The following MBNL1 variants were observed in gnomAD, a reference collection of about 807,000 sequenced individuals.
MBNL1 encodes the protein muscleblind like splicing regulator 1.
A neutral mutation model predicts 42.2 loss-of-function variants in MBNL1; 8 were observed. The ratio of observed to expected loss-of-function variants is 0.19; its 90% CI spans 0.11 to 0.34. MBNL1 has a LOEUF of 0.34. Among genes scored for constraint, MBNL1 ranks in the 10% least tolerant of loss-of-function variants. The pLI is 1.00. For synonymous variants in MBNL1, 169 were observed against 173.9 expected, an observed-to-expected ratio of 0.97 and a Z score of 0.22; for missense variants, 309 against 495.3, an observed-to-expected ratio of 0.62 and a Z score of 3.57.
At chr3:152,296,432 CT>C (rs2058561789) in intron 1 of MBNL1, among the ~76,000 whole-genome samples, 2 of 152,072 alleles carry the variant, frequency 1.3e-5, no homozygotes, top group Non-Finnish European at 2.9e-5. Flanking sequence ...AGGTTAAAGA[CT>C]TGTGAGTAGG....
chr3:152,277,359 C>T (rs987730382), intron 1 of MBNL1, among the ~76,000 whole-genome samples: 2 of 152,160 alleles, frequency 1.3e-5, no homozygotes, highest in Non-Finnish European at 2.9e-5. Flanking sequence ...AGTCCATGCT[C>T]AGAATGCCTG....
intron 2 of MBNL1, among the ~76,000 whole-genome samples, chr3:152,386,382 C>A (rs2097424803): frequency 6.6e-6 from 1 of 151,768 alleles, no homozygotes; most frequent in Non-Finnish European, 1.5e-5. Context: ...ATAACATAAC[C>A]TGTTCATATT....
chr3:152,440,047 T>A (rs770760769), intron 4 of MBNL1, among the ~76,000 whole-genome samples: 2 of 152,184 alleles, frequency 1.3e-5, no homozygotes, highest in Non-Finnish European at 2.9e-5. Flanking sequence ...AGATTTTATT[T>A]TATGTTTTTA....
chr3:152,329,840 G>A (rs1185472240), intron 2 of MBNL1, among the ~76,000 whole-genome samples: 1 of 150,734 alleles, frequency 6.6e-6, no homozygotes, highest in Non-Finnish European at 1.5e-5. Flanking sequence ...TGGGATATAT[G>A]TGCTATTGGT....
intron 2 of MBNL1, 115 bp from the exon 3 acceptor site, chr3:152,414,826 G>A: frequency 1.1e-6 from 1 of 915,090 alleles, no homozygotes; most frequent in Non-Finnish European, 1.7e-6. Flanking sequence ...TATGGACAAT[G>A]CATTGTGTGA....
chr3:152,454,777 T>C (rs763490026), intron 6 of MBNL1, among the ~76,000 whole-genome samples: 2 of 152,174 alleles, frequency 1.3e-5, no homozygotes, highest in African/African-American at 4.8e-5. Context: ...CTTGAAGGTC[T>C]AAACCAGCAA....
At chr3:152,287,600 A>G (rs1002059057) in intron 1 of MBNL1, among the ~76,000 whole-genome samples, 2 of 152,222 alleles carry the variant, frequency 1.3e-5, no homozygotes, top group African/African-American at 2.4e-5. Context: ...GGAACGGTAT[A>G]TATTTTTAAT....
At chr3:152,351,100 G>T (rs751339562) in intron 2 of MBNL1, among the ~76,000 whole-genome samples, 8 of 151,746 alleles carry the variant, frequency 5.3e-5, no homozygotes, top group Non-Finnish European at 8.8e-5. Flanking sequence ...CCTGTTTTTG[G>T]TTAATAAAGT....
At chr3:152,444,414 A>G (rs754300655) in intron 4 of MBNL1, among the ~76,000 whole-genome samples, 2 of 152,198 alleles carry the variant, frequency 1.3e-5, no homozygotes, top group East Asian at 1.9e-4. Flanking sequence ...ACTGCTTTAT[A>G]TAGCTACCAA....
intron 1 of MBNL1, among the ~76,000 whole-genome samples, chr3:152,280,727 A>G (rs764166012): frequency 2.6e-5 from 4 of 152,170 alleles, no homozygotes; most frequent in Non-Finnish European, 5.9e-5. Context: ...ATAAAGCTGT[A>G]TTTTGTAGGC....
At chr3:152,335,080 C>T (rs931539293) in intron 2 of MBNL1, 2 of 1,260,866 alleles carry the variant, frequency 1.6e-6, no homozygotes, top group Admixed American at 2.4e-5. Context: ...AAGTGGCTGA[C>T]CTGGCATATC....
At chr3:152,341,219 G>A (rs955908583) in intron 2 of MBNL1, among the ~76,000 whole-genome samples, 1 of 152,158 alleles carries the variant, frequency 6.6e-6, no homozygotes, top group East Asian at 1.9e-4. Context: ...TTTTTAAAAT[G>A]TGTGGCACAG....
intron 2 of MBNL1, among the ~76,000 whole-genome samples, chr3:152,368,425 A>G (rs2096523270): frequency 6.6e-6 from 1 of 152,156 alleles, no homozygotes; most frequent in Non-Finnish European, 1.5e-5. Context: ...CTTGTAGTAC[A>G]GTTTGAAGTC....
Position 152,377,255 on chromosome 3 carries a change from T to C in MBNL1, c.175-37686T>C, listed in dbSNP as rs79905877. Among the ~76,000 whole-genome samples the C allele has an allele frequency of 5.4e-4, 82 of 152,338 alleles. No individual in the cohort carries two copies. In the East Asian group the frequency reaches 0.015, roughly 28 times the overall value. The stretch of plus-strand genomic sequence containing the variant: ...TTTTTTCATTGAATTGGCCTGGTCC[T>C]TGTTTTTATGTGGGCCTTTGAATCT... On this transcript the variant is annotated intron_variant, in intron 2 of 9. Coordinates refer to ENST00000324210, the MANE Select transcript of MBNL1 (RefSeq NM_021038.5).
At chr3:152,414,218 C>T (rs2098655388) in intron 2 of MBNL1, among the ~76,000 whole-genome samples, 1 of 152,182 alleles carries the variant, frequency 6.6e-6, no homozygotes, top group Admixed American at 6.5e-5. Context: ...TTAGTTTCTC[C>T]ATTTTTTAAA....
chr3:152,288,140 T>G (rs2053660132), intron 1 of MBNL1, among the ~76,000 whole-genome samples: 1 of 152,228 alleles, frequency 6.6e-6, no homozygotes, highest in Non-Finnish European at 1.5e-5. Context: ...CAACCATATT[T>G]GAAGTCTTTT....
rs2038251542 is a variant in MBNL1, at chr3:152,269,016, T to G, written c.-866T>G. On this transcript the variant is annotated 5_prime_UTR_variant, in exon 1 of 10. Coordinates refer to ENST00000324210, the MANE Select transcript of MBNL1 (RefSeq NM_021038.5). The stretch of plus-strand genomic sequence containing the variant: ...CAAGTTCCATTTTCCGTCGCGGGCA[T>G]CTTGGAATCATGACTCCCACAATGC... 2.2e-6 allele frequency: 1 copy of G among 456,100 alleles called. No individual in the cohort carries two copies. The highest frequency in any genetic ancestry group is 2.3e-5 in the Admixed American group (1 of 42,560). The allele number at this position is 456,100 out of a possible 1,614,324, so 28.3% of individuals were successfully genotyped here.
intron 2 of MBNL1, among the ~76,000 whole-genome samples, chr3:152,324,338 G>A (rs1457479173): frequency 6.6e-6 from 1 of 152,114 alleles, no homozygotes; most frequent in African/African-American, 2.4e-5. Context: ...AGAGATAGCA[G>A]TTTTGCACCT....
At chr3:152,352,009 A>C (rs1371814794) in intron 2 of MBNL1, among the ~76,000 whole-genome samples, 1 of 152,140 alleles carries the variant, frequency 6.6e-6, no homozygotes, top group Admixed American at 6.5e-5. Flanking sequence ...TTCAAAGTAC[A>C]GTTAGACATA....
Sources: gnomAD v4.1 joint callset for allele counts (sites outside exome capture counted in the v4.1 genomes callset) on GRCh38, gnomAD v4.1.1 for gene constraint, MANE v1.5 for transcripts, NCBI Gene and HGNC (gene_info 2026-07-23, HGNC 2026-07-21) for gene names.